Variants in KAT6A observed in about 807,000 individuals in gnomAD.
KAT6A encodes the protein histone acetyltransferase KAT6A.
Under a neutral mutation model 198.4 loss-of-function variants are expected in KAT6A, and 9 were observed. The observed-to-expected ratio is 0.05, with a 90% CI of 0.03 to 0.08. KAT6A has a LOEUF of 0.08. KAT6A is among the 10% of genes least tolerant of loss of function. KAT6A has a pLI of 1.00. For synonymous variants in KAT6A, 890 were observed against 883.0 expected, an observed-to-expected ratio of 1.01 and a Z score of -0.14; for missense variants, 2,077 against 2,509.9, an observed-to-expected ratio of 0.83 and a Z score of 3.69.
Position 41,931,799 on chromosome 8 carries a change from T to C in KAT6A, c.*406A>G. On this transcript the variant is annotated 3_prime_UTR_variant, in exon 17 of 17. Coordinates refer to ENST00000265713, the MANE Select transcript of KAT6A (RefSeq NM_006766.5). ...TTAACCCTTGAGATGTATATAACAT[T>C]TAAAAATGACAACATTGGGAGCTGC... 4.7e-6 allele frequency: 1 copy of C among 214,164 alleles called. No individual in the cohort carries two copies. The highest frequency in any genetic ancestry group is 9.4e-6 in the Non-Finnish European group (1 of 105,854). 13.3% of individuals were successfully genotyped at this position (214,164 alleles called of 1,614,324 possible). A position where few individuals can be genotyped will look rare whatever the true frequency, so the allele number is the denominator to read the frequency against.
chr8:41,982,983 T>C (rs894611931), intron 3 of KAT6A, among the ~76,000 whole-genome samples: 1 of 152,192 alleles, frequency 6.6e-6, no homozygotes, highest in African/African-American at 2.4e-5. Context: ...CTCCTGTATA[T>C]AATAAAAATA....
At chr8:42,040,837 T>C (rs533852671) in intron 2 of KAT6A, among the ~76,000 whole-genome samples, 1 of 151,268 alleles carries the variant, frequency 6.6e-6, no homozygotes, top group South Asian at 2.1e-4. Flanking sequence ...CTTTAGTAGC[T>C]CAGTAGCTTT....
At chr8:42,010,392 TA>T (rs1564063361) in intron 2 of KAT6A, among the ~76,000 whole-genome samples, 1 of 152,308 alleles carries the variant, frequency 6.6e-6, no homozygotes, top group East Asian at 1.9e-4. Context: ...ACTAGTTTCC[TA>T]TGAGAAAGTA....
chr8:42,029,575 T>G (rs929816683), intron 2 of KAT6A, among the ~76,000 whole-genome samples: 3 of 151,442 alleles, frequency 2.0e-5, no homozygotes, highest in African/African-American at 7.3e-5. Context: ...TTTTGTTTTT[T>G]TTTTTTTGAA....
chr8:42,035,558 A>C (rs1025175130), intron 2 of KAT6A, among the ~76,000 whole-genome samples: 1 of 152,234 alleles, frequency 6.6e-6, no homozygotes, highest in Non-Finnish European at 1.5e-5. Flanking sequence ...GCAAAAGATA[A>C]AACGCCAATA....
intron 5 of KAT6A, 70 bp downstream of exon 5, chr8:41,980,776 G>T: frequency 9.8e-7 from 1 of 1,018,278 alleles, no homozygotes; most frequent in Non-Finnish European, 1.6e-6. Flanking sequence ...ATTTAACAAA[G>T]TAGATAAAAT....
intron 2 of KAT6A, among the ~76,000 whole-genome samples, chr8:42,012,141 C>T (rs1826051649): frequency 6.6e-6 from 1 of 152,254 alleles, no homozygotes; most frequent in Admixed American, 6.5e-5. Context: ...GATACTCATA[C>T]ATAGCTGGTA....
chr8:41,938,211 C>A (rs1821943228), intron 15 of KAT6A, among the ~76,000 whole-genome samples: 1 of 152,192 alleles, frequency 6.6e-6, no homozygotes, highest in African/African-American at 2.4e-5. Flanking sequence ...ATTATCTAAT[C>A]CAATCCCTTC....
chr8:42,020,967 C>G (rs1434878433), intron 2 of KAT6A, among the ~76,000 whole-genome samples: 2 of 151,900 alleles, frequency 1.3e-5, no homozygotes, highest in Admixed American at 6.6e-5. Flanking sequence ...ATTTTAACAA[C>G]TTAACAATGG....
intron 8 of KAT6A, among the ~76,000 whole-genome samples, chr8:41,959,429 C>T (rs912128236): frequency 2.0e-5 from 3 of 152,178 alleles, no homozygotes; most frequent in African/African-American, 7.2e-5. Context: ...GGCACAGCTG[C>T]TGTGGAAAAC....
rs913097246 is a variant in KAT6A, at chr8:41,996,793, T to C, written c.601-9230A>G. ...AACTATGAACCAAATAAACATATTTTCTTTATAAATTACCCAGTGTGTAGC... is the reference window on the plus strand; with the variant it reads ...AACTATGAACCAAATAAACATATTTCCTTTATAAATTACCCAGTGTGTAGC... On this transcript the variant is annotated intron_variant, in intron 2 of 16. Transcript: ENST00000265713. 4.6e-5 allele frequency among the ~76,000 whole-genome samples: 7 copies of C among 152,328 alleles called. No individual in the cohort carries two copies. The East Asian group carries it at 1.3e-3, about 29-fold the overall frequency.
rs777976735 is a variant in KAT6A, at chr8:41,932,177, TAA to T, written c.*26_*27del. ...AAAGGTTCCTTTATTTATATATATT[TAA>T]GTTTTTGATTGCAAGTTCATCTTGC... is the stretch of plus-strand genomic sequence containing the variant. On this transcript the variant is annotated 3_prime_UTR_variant, in exon 17 of 17. Transcript: ENST00000265713. 10 of 1,509,168 alleles carry T rather than the reference TAA, an allele frequency of 6.6e-6. No individual in the cohort carries two copies. In the Admixed American group the frequency reaches 2.2e-4, roughly 33 times the overall value. 93.5% of individuals were successfully genotyped at this position (1,509,168 alleles called of 1,614,324 possible). A position where few individuals can be genotyped will look rare whatever the true frequency, so the allele number is the denominator to read the frequency against.
chr8:41,935,677 A>C (rs1435660041), intron 16 of KAT6A, among the ~76,000 whole-genome samples: 2 of 152,276 alleles, frequency 1.3e-5, no homozygotes, highest in South Asian at 2.1e-4. Flanking sequence ...AAGAATAAGA[A>C]TACCAAGACA....
chr8:41,965,421 A>G (rs912199908), intron 8 of KAT6A, among the ~76,000 whole-genome samples: 5 of 152,212 alleles, frequency 3.3e-5, no homozygotes, highest in Non-Finnish European at 7.3e-5. Context: ...ACCCTAACAC[A>G]GGTGAAGCAG....
rs148591015 is a variant in KAT6A at position 42,042,322 on chromosome 8, T to C, written c.600+6056A>G. 8.3e-3 allele frequency among the ~76,000 whole-genome samples: 1,263 copies of C among 151,914 alleles called. 17 individuals are homozygous for C. Among genetic ancestry groups the C allele is most frequent in the African/African-American group, 0.03 (1,222 of 41,392 alleles). On this transcript the variant is annotated intron_variant, in intron 2 of 16. Transcript: ENST00000265713. Reference sequence around the variant, plus strand: ...AAATATAAAAATTAGCCGGGCATGGTGGCATGCGCCTATAATCCCAGCTTA... The same window carrying C: ...AAATATAAAAATTAGCCGGGCATGGCGGCATGCGCCTATAATCCCAGCTTA...
chr8:42,048,297 GAATAT>G, intron 2 of KAT6A, 76 bp downstream of exon 2: 1 of 1,503,126 alleles, frequency 6.7e-7, no homozygotes, highest in Non-Finnish European at 9.0e-7. Flanking sequence ...CAAAAAACTT[GAATAT>G]AACTTCCCAG....
intron 2 of KAT6A, among the ~76,000 whole-genome samples, chr8:42,042,652 G>T (rs1052278693): frequency 6.6e-6 from 1 of 152,144 alleles, no homozygotes; most frequent in Non-Finnish European, 1.5e-5. Context: ...TCTGCTCCAG[G>T]TTACCCAGCT....
chr8:42,019,383 T>C (rs1233944799), intron 2 of KAT6A, among the ~76,000 whole-genome samples: 1 of 152,152 alleles, frequency 6.6e-6, no homozygotes, highest in Non-Finnish European at 1.5e-5. Flanking sequence ...CAGGAACATT[T>C]TTTTCCTCAG....
rs1006946678 is a variant in KAT6A, at chr8:41,941,232, A to G, written c.2649T>C (p.Asp883=). The G allele has an allele frequency of 6.2e-7, 1 of 1,614,096 alleles. No homozygotes were observed. The highest frequency in any genetic ancestry group is 8.5e-7 in the Non-Finnish European group (1 of 1,180,000). The stretch of plus-strand genomic sequence containing the variant: ...ACGTCTCTTCCAAGAGCAGTTTAGA[A>G]TCTTTATCACCAAAACGTTCCTGGG... ...RKTQERFGDK[D]SKLLLEETSS... Residue 883 remains aspartate (D), a synonymous_variant, in exon 15 of 17, where the codon GAT becomes GAC. Coordinates refer to ENST00000265713, the MANE Select transcript of KAT6A (RefSeq NM_006766.5).
Sources: gnomAD v4.1 joint callset for allele counts (sites outside exome capture counted in the v4.1 genomes callset) on GRCh38, gnomAD v4.1.1 for gene constraint, MANE v1.5 for transcripts, NCBI Gene and HGNC (gene_info 2026-07-23, HGNC 2026-07-21) for gene names.